PCNX1: variants seen among roughly 807,000 people sequenced by gnomAD.
PCNX1 encodes pecanex-like protein 1.
Under a neutral mutation model 242.2 loss-of-function variants are expected in PCNX1, and 78 were observed. That is an observed-to-expected ratio of 0.32 (90% CI 0.27 to 0.39). The LOEUF is 0.39. Ranked by LOEUF, PCNX1 falls within the 10% of genes least tolerant of loss-of-function variation. The pLI, the probability that PCNX1 is intolerant of heterozygous loss-of-function variation, is 1.00. For missense variants in PCNX1, 2,581 were observed against 2,856.5 expected (o/e 0.90, Z 2.20); for synonymous variants, 1,024 against 1,032.9 (o/e 0.99, Z 0.17).
chr14:71,034,498 A>T (rs555206978), intron 18 of PCNX1, among the ~76,000 whole-genome samples: 21 of 152,302 alleles, frequency 1.4e-4, no homozygotes, highest in Non-Finnish European at 2.4e-4. Flanking sequence ...GCTGAAGGAG[A>T]GAACAATAAC....
intron 11 of PCNX1, among the ~76,000 whole-genome samples, chr14:71,016,800 T>C (rs925577417): frequency 6.6e-6 from 1 of 152,164 alleles, no homozygotes; most frequent in Non-Finnish European, 1.5e-5. Context: ...TGACTTCACC[T>C]TCCACTTGCT....
chr14:70,995,304 CAG>C (rs1202123546), intron 7 of PCNX1, among the ~76,000 whole-genome samples: 1 of 152,108 alleles, frequency 6.6e-6, no homozygotes, highest in Non-Finnish European at 1.5e-5. Flanking sequence ...TTTGAGATCT[CAG>C]AATATTTGAA....
chr14:71,045,168 C>T lies in PCNX1; in HGVS notation c.3903C>T (p.Gly1301=), dbSNP rs1344633239. 7.4e-6 allele frequency: 12 copies of T among 1,612,546 alleles called. No homozygotes were observed. Among genetic ancestry groups the T allele is most frequent in the Admixed American group, 6.7e-5 (4 of 59,786 alleles). ...ALKYVLYTLV[G]FVGFVTHYVL... is the part of the protein sequence containing the mutation. ...AGTATGTGTTGTATACATTGGTTGG[C>T]TTTGTGGGTTTTGTAACCCATTATG... Residue 1301 remains glycine (G), a synonymous_variant, in exon 20 of 36, where the codon GGC becomes GGT. Transcript: ENST00000304743.
rs539285629 is a variant in PCNX1, at chr14:70,967,884, T to G, written c.469-314T>G. 2.0e-5 allele frequency among the ~76,000 whole-genome samples: 3 copies of G among 152,284 alleles called. No homozygotes were observed. In the South Asian group the frequency reaches 6.2e-4, roughly 32 times the overall value. The stretch of plus-strand genomic sequence containing the variant: ...ATAACATGAACGTGTCATGATGTAG[T>G]ATAAAAATGATAATTGTATGACATG... On this transcript the variant is annotated intron_variant, in intron 3 of 35. Coordinates refer to ENST00000304743, the MANE Select transcript of PCNX1 (RefSeq NM_014982.3).
At chr14:71,052,162 A>C in intron 24 of PCNX1, 150 bp downstream of exon 24, 1 of 586,150 alleles carries the variant, frequency 1.7e-6, no homozygotes, top group South Asian at 2.4e-5. Flanking sequence ...TTAAAATTTG[A>C]AAAGTATATA....
At chr14:70,997,966 C>T (rs1031256616) in intron 8 of PCNX1, among the ~76,000 whole-genome samples, 5 of 152,030 alleles carry the variant, frequency 3.3e-5, no homozygotes, top group African/African-American at 1.2e-4. Flanking sequence ...CACAGGATTG[C>T]TTCCTTCCAA....
At position 70,910,708 on chromosome 14, in the gene PCNX1, GTCTT is replaced by G. The variant is rs201580065; in HGVS notation, c.153+2710_153+2713del. On this transcript the variant is annotated intron_variant, in intron 1 of 35. Coordinates refer to ENST00000304743, the MANE Select transcript of PCNX1 (RefSeq NM_014982.3). The stretch of plus-strand genomic sequence containing the variant: ...CTGATATCTATTTATTTGTTTTTAT[GTCTT>G]TCTTATCTTATTAGAATATAAGCTC... 8.6e-3 allele frequency among the ~76,000 whole-genome samples: 1,313 copies of G among 152,238 alleles called. 26 individuals carry two copies. Among genetic ancestry groups the G allele is most frequent in the African/African-American group, 0.03 (1,238 of 41,536 alleles).
chr14:71,026,221 G>A lies in PCNX1; in HGVS notation c.3288G>A (p.Lys1096=), dbSNP rs1566716907. ...GTAGCAGAAACCTGACTGCAACCAA[G>A]TTCAAATTATATGGAATAACTTTCA... ...DYGSRNLTAT[K]FKLYGITFTN... Residue 1096 remains lysine (K), a synonymous_variant, in exon 14 of 36, where the codon AAG becomes AAA. Coordinates refer to ENST00000304743, the MANE Select transcript of PCNX1 (RefSeq NM_014982.3). 5 of 1,611,924 alleles carry A rather than the reference G, an allele frequency of 3.1e-6. No individual in the cohort carries two copies. The highest frequency in any genetic ancestry group is 4.2e-6 in the Non-Finnish European group (5 of 1,178,752).
chr14:71,037,177 G>A (rs1318926156), intron 19 of PCNX1, among the ~76,000 whole-genome samples: 1 of 150,332 alleles, frequency 6.7e-6, no homozygotes, highest in Non-Finnish European at 1.5e-5. Flanking sequence ...ATCAGCTTAA[G>A]GAGATTTTGG....
chr14:71,105,918 T>A (rs1443039646), intron 33 of PCNX1, among the ~76,000 whole-genome samples: 2 of 148,440 alleles, frequency 1.3e-5, no homozygotes, highest in African/African-American at 4.9e-5. Context: ...AAATATATAT[T>A]TTATATATTT....
At chr14:70,910,625 C>T (rs2055859689) in intron 1 of PCNX1, among the ~76,000 whole-genome samples, 1 of 152,152 alleles carries the variant, frequency 6.6e-6, no homozygotes, top group Non-Finnish European at 1.5e-5. Flanking sequence ...AGCAACTTCC[C>T]CAGCTCTCAC....
chr14:71,013,990 C>T (rs887489040), intron 11 of PCNX1, among the ~76,000 whole-genome samples: 2 of 152,114 alleles, frequency 1.3e-5, no homozygotes, highest in African/African-American at 4.8e-5. Context: ...GACTGTTTGG[C>T]AGAGTATGGA....
chr14:70,950,832 C>CT (rs995814738), intron 2 of PCNX1, among the ~76,000 whole-genome samples: 1 of 151,562 alleles, frequency 6.6e-6, no homozygotes, highest in Non-Finnish European at 1.5e-5. Context: ...GATTTTGGAA[C>CT]TTTTTTTAAA....
intron 10 of PCNX1, chr14:71,011,899 G>C (rs2140559067): frequency 5.0e-6 from 1 of 201,290 alleles, no homozygotes; most frequent in Admixed American, 5.7e-5. Flanking sequence ...CCTACTTTTT[G>C]GCTATAGTGT....
chr14:70,951,567 G>T (rs1020408780), intron 2 of PCNX1, among the ~76,000 whole-genome samples: 1 of 152,068 alleles, frequency 6.6e-6, no homozygotes, highest in African/African-American at 2.4e-5. Flanking sequence ...TAGAGACGGG[G>T]TTTCATCATG....
chr14:71,004,712 T>C (rs993275179), intron 8 of PCNX1, among the ~76,000 whole-genome samples: 6 of 152,158 alleles, frequency 3.9e-5, no homozygotes, highest in South Asian at 2.1e-4. Context: ...TCACCACTTA[T>C]GATTATAAGG....
At chr14:70,948,419 T>C (rs778180906) in intron 2 of PCNX1, among the ~76,000 whole-genome samples, 2 of 152,116 alleles carry the variant, frequency 1.3e-5, no homozygotes, top group Admixed American at 6.5e-5. Flanking sequence ...CGTTGAAATA[T>C]TGGGGGCTGG....
At position 71,110,962 on chromosome 14, in the gene PCNX1, T is replaced by C. The variant is rs1191899756; in HGVS notation, c.*1027T>C. On this transcript the variant is annotated 3_prime_UTR_variant, in exon 36 of 36. Coordinates refer to ENST00000304743, the MANE Select transcript of PCNX1 (RefSeq NM_014982.3). The stretch of plus-strand genomic sequence containing the variant: ...TATGAGTTTCTAGCTCTTGAAGTTA[T>C]TCACATGCAGTTCAGTTAGTCAAGT... 6.5e-6 allele frequency: 1 copy of C among 152,684 alleles called. No homozygotes were observed. Among genetic ancestry groups the C allele is most frequent in the Non-Finnish European group, 1.5e-5 (1 of 68,030 alleles). The allele number at this position is 152,684 out of a possible 1,614,324, so 9.5% of individuals were successfully genotyped here.
intron 26 of PCNX1, among the ~76,000 whole-genome samples, chr14:71,069,024 A>T (rs1157669369): frequency 6.6e-6 from 1 of 152,158 alleles, no homozygotes; most frequent in Non-Finnish European, 1.5e-5. Flanking sequence ...TAACAGTTCC[A>T]TGTGGCTGGG....
Sources: gnomAD v4.1 joint callset for allele counts (sites outside exome capture counted in the v4.1 genomes callset) on GRCh38, gnomAD v4.1.1 for gene constraint, MANE v1.5 for transcripts, NCBI Gene and HGNC (gene_info 2026-07-23, HGNC 2026-07-21) for gene names.